Variants in CASS4 observed in about 807,000 individuals in gnomAD.
CASS4 encodes the protein Cas scaffold protein family member 4.
In CASS4, 22 loss-of-function variants were observed where a neutral mutation model predicts 54.2. That is an observed-to-expected ratio of 0.41 (90% CI 0.29 to 0.58). The LOEUF is 0.58. Among genes scored for constraint, CASS4 ranks in the 20% least tolerant of loss-of-function variants. The probability of loss-of-function intolerance (pLI) is 0.36; values close to 1 mark genes in which losing one functional copy is unlikely to be tolerated. For synonymous variants in CASS4, 409 were observed against 391.5 expected (o/e 1.04, Z -0.53); for missense variants, 854 against 986.7 (o/e 0.87, Z 1.80).
intron 2 of CASS4, among the ~76,000 whole-genome samples, chr20:56,442,211 A>AT (rs900289765): frequency 2.6e-5 from 4 of 151,734 alleles, no homozygotes; most frequent in African/African-American, 4.9e-5. Context: ...GAAACATGTC[A>AT]TTTTTCTCAA....
intron 5 of CASS4, among the ~76,000 whole-genome samples, chr20:56,457,820 A>G (rs1027637630): frequency 1.3e-5 from 2 of 152,028 alleles, no homozygotes; most frequent in African/African-American, 4.8e-5. Context: ...TTCAAAACCA[A>G]TCTGGCCAAC....
chr20:56,443,413 A>G (rs113902203), intron 2 of CASS4, among the ~76,000 whole-genome samples: 9,486 of 147,630 alleles, frequency 0.064, 452 homozygotes, highest in Middle Eastern at 0.15. Flanking sequence ...AGGTTGCAGT[A>G]AGCCGAAATG....
chr20:56,446,701 T>G (rs542879432), intron 3 of CASS4, among the ~76,000 whole-genome samples: 2 of 152,148 alleles, frequency 1.3e-5, no homozygotes, highest in African/African-American at 2.4e-5. Context: ...CTCCCAACTT[T>G]CGTTGTATGC....
chr20:56,427,436 G>A (rs1183320786), intron 1 of CASS4, among the ~76,000 whole-genome samples: 3 of 152,034 alleles, frequency 2.0e-5, no homozygotes, highest in African/African-American at 7.3e-5. Context: ...ACATTCACAA[G>A]CCAACAGATA....
rs1236144188 is a variant in CASS4, at chr20:56,430,219, G to C, written c.37-6945G>C. 6.6e-6 allele frequency among the ~76,000 whole-genome samples: 1 copy of C among 152,214 alleles called. No homozygotes were observed. The highest frequency in any genetic ancestry group is 1.5e-5 in the Non-Finnish European group (1 of 68,034). ...CCAGCTGTGGAAAGGTCTCTGCACT[G>C]AGGTTATCATCAGCATGAAGGCAGT... On this transcript the variant is annotated intron_variant, in intron 1 of 5. Coordinates refer to ENST00000679887, the MANE Select transcript of CASS4 (RefSeq NM_020356.4). This position sits in a 1 kb window ranked among gnomAD's most constrained non-coding sequence, Gnocchi z 4.2.
Position 56,452,335 on chromosome 20 carries a change from C to T in CASS4, c.1159C>T (p.Arg387Trp), listed in dbSNP as rs772361440. 52 of 1,613,822 alleles carry T rather than the reference C, an allele frequency of 3.2e-5. No individual in the cohort carries two copies. The highest frequency in any genetic ancestry group is 1.6e-4 in the Middle Eastern group (1 of 6,084). ...AGHNSSWFSR[R>W]TTSPSPEPDR... ...CCATAATTCCTCATGGTTCTCCAGA[C>T]GGACAACTTCCCCATCTCCTGAACC... is the stretch of plus-strand genomic sequence containing the variant. The change falls in exon 5 of 6, where the codon CGG (arginine) becomes TGG (tryptophan). Residue 387 changes from arginine to tryptophan, a missense_variant. Physicochemically the swap from Arg to Trp is moderately radical, Grantham distance 101 (BLOSUM62 -3). Transcript: ENST00000679887.
intron 1 of CASS4, among the ~76,000 whole-genome samples, chr20:56,417,616 G>A (rs1569133151): frequency 1.3e-5 from 2 of 152,224 alleles, no homozygotes; most frequent in South Asian, 2.1e-4. Flanking sequence ...GCCTACAACA[G>A]TGCCTGCACA....
In CASS4 at chr20:56,459,719, TC is replaced by T. The variant is rs1209389821; in HGVS notation, c.*973del. The stretch of plus-strand genomic sequence containing the variant: ...TCCTGACCTCAGGCCATCCCCCGCC[TC>T]GGCCTCCCAAAGTGCTGGGATTACA... On this transcript the variant is annotated 3_prime_UTR_variant, in exon 6 of 6. Coordinates refer to ENST00000679887, the MANE Select transcript of CASS4 (RefSeq NM_020356.4). The T allele has an allele frequency of 1.9e-5, 3 of 153,940 alleles. No homozygotes were observed. The highest frequency in any genetic ancestry group is 4.3e-5 in the Non-Finnish European group (3 of 69,154). 9.5% of individuals were successfully genotyped at this position (153,940 alleles called of 1,614,324 possible). A position where few individuals can be genotyped will look rare whatever the true frequency, so the allele number is the denominator to read the frequency against.
At position 56,458,468 on chromosome 20, in the gene CASS4, C is replaced by T. The variant is rs771486642; in HGVS notation, c.2082C>T (p.Leu694=). Residue 694 remains leucine (L), a synonymous_variant, in exon 6 of 6, where the codon CTC becomes CTT. Coordinates refer to ENST00000679887, the MANE Select transcript of CASS4 (RefSeq NM_020356.4). ...FKAISAFHGS[L]SSSQPAEIIT... ...CCATCAGCGCATTTCACGGCAGCCT[C>T]AGCAGCAGCCAGCCCGCGGAGATCA... is the stretch of plus-strand genomic sequence containing the variant. The T allele has an allele frequency of 6.2e-7, 1 of 1,614,198 alleles. No homozygotes were observed. Among genetic ancestry groups the T allele is most frequent in the Non-Finnish European group, 8.5e-7 (1 of 1,180,040 alleles).
chr20:56,452,515 C>A lies in CASS4; in HGVS notation c.1339C>A (p.Leu447Met). ...TGTGGCCAAGGAGACAGTGATGGCT[C>A]TGCAGCACAAGGTGGTCAGCTCTGT... Reference protein sequence around the residue: ...LDVAKETVMALQHKVVSSVAG... With the variant: ...LDVAKETVMAMQHKVVSSVAG... The change falls in exon 5 of 6, where the codon CTG becomes ATG. Residue 447 changes from leucine (L) to methionine (M), a missense_variant. By Grantham distance (15) the Leu-to-Met change is conservative. Coordinates refer to ENST00000679887, the MANE Select transcript of CASS4 (RefSeq NM_020356.4). 6.2e-7 allele frequency: 1 copy of A among 1,614,020 alleles called. No homozygotes were observed. Among genetic ancestry groups the A allele is most frequent in the Non-Finnish European group, 8.5e-7 (1 of 1,179,936 alleles).
At chr20:56,448,411 C>A (rs367988042) in intron 3 of CASS4, among the ~76,000 whole-genome samples, 3 of 152,116 alleles carry the variant, frequency 2.0e-5, no homozygotes, top group East Asian at 3.9e-4. Flanking sequence ...GAGAACAGGC[C>A]ATCCACAGCA....
At chr20:56,446,056 G>C in intron 3 of CASS4, 55 bp downstream of exon 3, 1 of 1,224,510 alleles carries the variant, frequency 8.2e-7, no homozygotes, top group Admixed American at 1.9e-5. Flanking sequence ...CAGAGTCTGG[G>C]GTTCTTGGGA....
At chr20:56,426,553 T>C (rs1304697265) in intron 1 of CASS4, among the ~76,000 whole-genome samples, 2 of 151,924 alleles carry the variant, frequency 1.3e-5, no homozygotes, top group Non-Finnish European at 2.9e-5. Flanking sequence ...TTCTTTTTTT[T>C]CCCCCTTCTT....
Position 56,458,951 on chromosome 20 carries a change from A to G in CASS4, c.*204A>G. The G allele has an allele frequency of 3.5e-6, 2 of 575,376 alleles. No homozygotes were observed. Among genetic ancestry groups the G allele is most frequent in the Non-Finnish European group, 6.2e-6 (2 of 323,476 alleles). 35.6% of individuals were successfully genotyped at this position (575,376 alleles called of 1,614,324 possible). On this transcript the variant is annotated 3_prime_UTR_variant, in exon 6 of 6. Transcript: ENST00000679887. The stretch of plus-strand genomic sequence containing the variant: ...AGGGGGTCAGGAAAGAGAGTCAGGT[A>G]TGAGGTAAAGACCTTGTGAAGTTTA...
At chr20:56,415,602 A>G (rs1309207741) in intron 1 of CASS4, among the ~76,000 whole-genome samples, 8 of 152,204 alleles carry the variant, frequency 5.3e-5, no homozygotes, top group Admixed American at 2.0e-4. Context: ...TTGTTGCTCA[A>G]TTGCTTTATA....
At chr20:56,428,822 C>G (rs1350168351) in intron 1 of CASS4, among the ~76,000 whole-genome samples, 2 of 152,172 alleles carry the variant, frequency 1.3e-5, no homozygotes, top group Non-Finnish European at 2.9e-5. Flanking sequence ...TGCTCTGCTA[C>G]CTGCTGCTGC....
In CASS4 at chr20:56,423,017, C is replaced by T. The variant is rs973535440; in HGVS notation, c.36+10523C>T. On this transcript the variant is annotated intron_variant, in intron 1 of 5. Coordinates refer to ENST00000679887, the MANE Select transcript of CASS4 (RefSeq NM_020356.4). ...GAATGCGTTATGTAACCAGCCCATC[C>T]TTCCCCATGGCTGGGGTGGCAGGAA... Among the ~76,000 whole-genome samples the T allele has an allele frequency of 6.6e-5, 10 of 152,174 alleles. 1 individual carries two copies. Among genetic ancestry groups the T allele is most frequent in the Admixed American group, 1.3e-4 (2 of 15,270 alleles).
At chr20:56,447,253 C>T (rs1980763341) in intron 3 of CASS4, among the ~76,000 whole-genome samples, 1 of 151,762 alleles carries the variant, frequency 6.6e-6, no homozygotes, top group Non-Finnish European at 1.5e-5. Context: ...AAAGAAGTCA[C>T]TTTAGCCTTG....
At position 56,459,541 on chromosome 20, in the gene CASS4, C is replaced by T. The variant is rs867945471; in HGVS notation, c.*794C>T. The stretch of plus-strand genomic sequence containing the variant: ...GTGGGGCGATTTTGTTTTAATTTCT[C>T]GGTCAGGAATCACTTAATCCTGGAA... On this transcript the variant is annotated 3_prime_UTR_variant, in exon 6 of 6. Transcript: ENST00000679887. 4.4e-6 allele frequency: 1 copy of T among 226,562 alleles called. No homozygotes were observed. The highest frequency in any genetic ancestry group is 7.0e-5 in the South Asian group (1 of 14,332). The allele number at this position is 226,562 out of a possible 1,614,324, so 14.0% of individuals were successfully genotyped here. A position where few individuals can be genotyped will look rare whatever the true frequency, so the allele number is the denominator to read the frequency against.
Sources: gnomAD v4.1 joint callset for allele counts (sites outside exome capture counted in the v4.1 genomes callset) on GRCh38, gnomAD v4.1.1 for gene constraint, Gnocchi (gnomAD v3.1) non-coding constraint, MANE v1.5 for transcripts, NCBI Gene and HGNC (gene_info 2026-07-23, HGNC 2026-07-21) for gene names.